The following GPAT4 variants were observed in gnomAD, a reference collection of about 807,000 sequenced individuals.
The protein encoded by GPAT4 is glycerol-3-phosphate acyltransferase 4.
In GPAT4, 17 loss-of-function variants were observed where a neutral mutation model predicts 58.0. That is an observed-to-expected ratio of 0.29 (90% CI 0.20 to 0.44). The LOEUF (loss-of-function observed/expected upper bound fraction) is 0.44, where lower values mean the gene tolerates loss of function less well. Among genes scored for constraint, GPAT4 ranks in the 20% least tolerant of loss-of-function variants. The pLI is 1.00. For missense variants in GPAT4, 377 were observed against 574.5 expected (o/e 0.66, Z 3.51); for synonymous variants, 204 against 210.1 (o/e 0.97, Z 0.25).
chr8:41,603,935 C>T (rs1274262264), intron 2 of GPAT4, among the ~76,000 whole-genome samples: 4 of 127,176 alleles, frequency 3.1e-5, no homozygotes, highest in Admixed American at 2.3e-4. Context: ...GGTGTATTCA[C>T]GTAGTTTTGG....
chr8:41,597,060 G>A (rs1023943408), intron 1 of GPAT4, among the ~76,000 whole-genome samples: 3 of 152,308 alleles, frequency 2.0e-5, no homozygotes, highest in Admixed American at 6.5e-5. Flanking sequence ...GAAATCTATA[G>A]ATAACACAAA....
intron 2 of GPAT4, among the ~76,000 whole-genome samples, chr8:41,600,843 T>A (rs1803067966): frequency 6.6e-6 from 1 of 152,210 alleles, no homozygotes; most frequent in Non-Finnish European, 1.5e-5. Flanking sequence ...GTGAATGGAA[T>A]CATACCAAAT....
intron 1 of GPAT4, among the ~76,000 whole-genome samples, chr8:41,592,380 C>A (rs1260365668): frequency 2.0e-5 from 3 of 152,152 alleles, no homozygotes; most frequent in Non-Finnish European, 4.4e-5. Context: ...TGAACTCCAC[C>A]AAGTGACTGT....
At chr8:41,596,589 C>T (rs1802939443) in intron 1 of GPAT4, among the ~76,000 whole-genome samples, 1 of 152,238 alleles carries the variant, frequency 6.6e-6, no homozygotes, top group South Asian at 2.1e-4. Flanking sequence ...CCACATGCTG[C>T]TCTGGCGACA....
chr8:41,599,321 C>A lies in GPAT4; in HGVS notation c.165+17C>A, dbSNP rs79557732. On this transcript the variant is annotated intron_variant, in intron 2 of 12. Coordinates refer to ENST00000396987, the MANE Select transcript of GPAT4 (RefSeq NM_178819.4). ...ATCTTTGCGGTAAGTTATGCTGTTA[C>A]AAAAGGTTGCTTCACAGAGGAGGGT... is the stretch of plus-strand genomic sequence containing the variant. 8.1e-4 allele frequency: 1,313 copies of A among 1,612,570 alleles called. 16 individuals are homozygous for A. In the East Asian group the frequency reaches 0.026, roughly 32 times the overall value.
At chr8:41,599,440 TA>T in intron 2 of GPAT4, 136 bp downstream of exon 2, 1 of 1,035,080 alleles carries the variant, frequency 9.7e-7, no homozygotes, top group Non-Finnish European at 1.4e-6. Context: ...GCTTTTTGAG[TA>T]AGAAGAATAA....
intron 1 of GPAT4, among the ~76,000 whole-genome samples, chr8:41,589,695 A>G (rs969914882): frequency 6.6e-6 from 1 of 152,194 alleles, no homozygotes; most frequent in Non-Finnish European, 1.5e-5. Context: ...GTTTGGGGAC[A>G]TGAACCCAGA....
chr8:41,587,392 A>C (rs1585649738), intron 1 of GPAT4, among the ~76,000 whole-genome samples: 1 of 152,302 alleles, frequency 6.6e-6, no homozygotes, highest in South Asian at 2.1e-4. Flanking sequence ...TCTCCTTCCT[A>C]GTGACAGGGG....
In GPAT4 at chr8:41,621,299, C is replaced by T. The variant is rs947666653; in HGVS notation, c.*298C>T. 2.0e-5 allele frequency: 8 copies of T among 391,720 alleles called. No homozygotes were observed. The highest frequency in any genetic ancestry group is 6.1e-5 in the African/African-American group (3 of 49,102). 24.3% of individuals were successfully genotyped at this position (391,720 alleles called of 1,614,324 possible). ...TTAAAGTGAACTCCCCACCTTTGCA[C>T]GCTGTGCGGGCTGAGTGGTTGGGGA... On this transcript the variant is annotated 3_prime_UTR_variant, in exon 13 of 13. Transcript: ENST00000396987.
chr8:41,603,809 C>T (rs373861468), intron 2 of GPAT4, among the ~76,000 whole-genome samples: 5 of 152,140 alleles, frequency 3.3e-5, no homozygotes, highest in South Asian at 4.1e-4. Flanking sequence ...CAGCCCAGCT[C>T]CCAGCTCAGT....
At chr8:41,585,559 G>A (rs1802630671) in intron 1 of GPAT4, among the ~76,000 whole-genome samples, 1 of 152,200 alleles carries the variant, frequency 6.6e-6, no homozygotes, top group South Asian at 2.1e-4. Flanking sequence ...TATTTATAGA[G>A]GATTTTGTGC....
chr8:41,614,843 G>A (rs1363962321), intron 9 of GPAT4, 120 bp from the exon 10 acceptor site: 13 of 776,244 alleles, frequency 1.7e-5, no homozygotes, highest in Non-Finnish European at 1.9e-5. Flanking sequence ...GATGACAGAT[G>A]TATCTTACTG....
At position 41,611,963 on chromosome 8, in the gene GPAT4, G is replaced by A. The variant is rs780495933; in HGVS notation, c.672G>A (p.Ala224=). 126 of 1,614,014 alleles carry A rather than the reference G, an allele frequency of 7.8e-5. No individual in the cohort carries two copies. Among genetic ancestry groups the A allele is most frequent in the Non-Finnish European group, 9.6e-5 (113 of 1,180,032 alleles). Residue 224 remains alanine (A), a synonymous_variant, in exon 6 of 13, where the codon GCG becomes GCA. Coordinates refer to ENST00000396987, the MANE Select transcript of GPAT4 (RefSeq NM_178819.4). ...TGTGTTACCGGATCTGCGTGCGAGC[G>A]CTGACAGCCATCATCACCTACCATG... ...HLMCYRICVR[A]LTAIITYHDR...
chr8:41,601,766 A>G (rs1012132273), intron 2 of GPAT4, among the ~76,000 whole-genome samples: 3 of 152,366 alleles, frequency 2.0e-5, no homozygotes, highest in Non-Finnish European at 4.4e-5. Flanking sequence ...TTTAAAGTTT[A>G]TAGCCAAATC....
Position 41,598,973 on chromosome 8 carries a change from C to A in GPAT4, c.-167C>A. 1.2e-6 allele frequency: 1 copy of A among 859,960 alleles called. No individual in the cohort carries two copies. Among genetic ancestry groups the A allele is most frequent in the Non-Finnish European group, 1.8e-6 (1 of 570,770 alleles). The allele number at this position is 859,960 out of a possible 1,614,324, so 53.3% of individuals were successfully genotyped here. A position where few individuals can be genotyped will look rare whatever the true frequency, so the allele number is the denominator to read the frequency against. On this transcript the variant is annotated 5_prime_UTR_variant, in exon 2 of 13. Coordinates refer to ENST00000396987, the MANE Select transcript of GPAT4 (RefSeq NM_178819.4). The stretch of plus-strand genomic sequence containing the variant: ...GGCCGTGTTTTTCTGTCATTCTGTT[C>A]CCAGGCCTTCTATTCAGGCGGTTGA...
chr8:41,603,566 C>A (rs1803166356), intron 2 of GPAT4, among the ~76,000 whole-genome samples: 1 of 150,594 alleles, frequency 6.6e-6, no homozygotes, highest in African/African-American at 2.4e-5. Context: ...GGCCCCAGAA[C>A]CTGCTTTAAC....
Position 41,615,038 on chromosome 8 carries a change from T to C in GPAT4, c.1043T>C (p.Val348Ala). The C allele has an allele frequency of 1.9e-6, 3 of 1,613,280 alleles. No individual in the cohort carries two copies. Among genetic ancestry groups the C allele is most frequent in the Non-Finnish European group, 2.5e-6 (3 of 1,179,212 alleles). The change falls in exon 10 of 13, where the codon GTT (valine) becomes GCT (alanine). Residue 348 changes from valine (V) to alanine (A), a missense_variant. Val to Ala is a moderately conservative substitution (Grantham distance 64). Transcript: ENST00000396987. ...SFEIGATVYP[V>A]AIKYDPQFGD... Reference sequence around the variant, plus strand: ...GAAATTGGAGCCACAGTTTACCCTGTTGCTATCAAGGTATAAGACCTCCGA... The same window carrying C: ...GAAATTGGAGCCACAGTTTACCCTGCTGCTATCAAGGTATAAGACCTCCGA...
chr8:41,599,005 TG>T lies in GPAT4; in HGVS notation c.-133del. ...CTTCTATTCAGGCGGTTGAAGGGTG[TG>T]GACTTTGGAATGGGGTTTGCTGTTC... On this transcript the variant is annotated 5_prime_UTR_variant, in exon 2 of 13. Transcript: ENST00000396987. 8.3e-7 allele frequency: 1 copy of T among 1,205,768 alleles called. No individual in the cohort carries two copies. The highest frequency in any genetic ancestry group is 1.2e-6 in the Non-Finnish European group (1 of 861,340). The allele number at this position is 1,205,768 out of a possible 1,614,324, so 74.7% of individuals were successfully genotyped here.
chr8:41,609,391 G>A (rs1447108452), intron 2 of GPAT4, 25 bp from the exon 3 acceptor site: 1 of 1,609,748 alleles, frequency 6.2e-7, no homozygotes, highest in African/African-American at 1.3e-5. Flanking sequence ...TCTTGCTCTT[G>A]TATCTTGCTT....
Sources: gnomAD v4.1 joint callset for allele counts (sites outside exome capture counted in the v4.1 genomes callset) on GRCh38, gnomAD v4.1.1 for gene constraint, MANE v1.5 for transcripts, NCBI Gene and HGNC (gene_info 2026-07-23, HGNC 2026-07-21) for gene names.